Variants in GULP1 observed in about 807,000 individuals in gnomAD.
GULP1 encodes GULP PTB domain containing engulfment adaptor 1.
In GULP1, 19 loss-of-function variants were observed where a neutral mutation model predicts 40.9. The observed-to-expected ratio is 0.46, with a 90% confidence interval of 0.32 to 0.68. The LOEUF (loss-of-function observed/expected upper bound fraction) is 0.68, where lower values mean the gene tolerates loss of function less well. Among genes scored for constraint, GULP1 ranks in the 30% least tolerant of loss-of-function variants. GULP1 has a pLI of 0.03. For missense variants in GULP1, 312 were observed against 362.2 expected, an observed-to-expected ratio of 0.86 and a Z score of 1.12; for synonymous variants, 119 against 117.6, an observed-to-expected ratio of 1.01 and a Z score of -0.08.
intron 1 of GULP1, among the ~76,000 whole-genome samples, chr2:188,333,546 A>G (rs1299827568): frequency 6.6e-6 from 1 of 152,124 alleles, no homozygotes; most frequent in Non-Finnish European, 1.5e-5. Flanking sequence ...TCTCTTTTCT[A>G]ATCACCCCAA....
intron 11 of GULP1, chr2:188,589,772 T>A: frequency 7.8e-7 from 1 of 1,289,732 alleles, no homozygotes; most frequent in Non-Finnish European, 1.0e-6. Flanking sequence ...ATTTTTATAA[T>A]AATTTTAAAC....
intron 2 of GULP1, among the ~76,000 whole-genome samples, chr2:188,431,512 T>G (rs912370144): frequency 1.3e-5 from 2 of 152,152 alleles, no homozygotes; most frequent in Admixed American, 6.5e-5. Context: ...AACTTACAAT[T>G]TCACGAAGAG....
intron 4 of GULP1, among the ~76,000 whole-genome samples, chr2:188,502,093 A>T (rs1396196197): frequency 6.6e-6 from 1 of 151,896 alleles, no homozygotes; most frequent in Non-Finnish European, 1.5e-5. Context: ...GTCATGCTTT[A>T]TTAGAATTAT....
chr2:188,533,244 T>G (rs1688034782), intron 6 of GULP1, among the ~76,000 whole-genome samples: 1 of 152,034 alleles, frequency 6.6e-6, no homozygotes, highest in South Asian at 2.1e-4. Flanking sequence ...AAAACCAAAG[T>G]GAATAGGGTC....
chr2:188,525,086 A>G (rs1397721708), intron 5 of GULP1, among the ~76,000 whole-genome samples: 5 of 151,944 alleles, frequency 3.3e-5, no homozygotes, highest in African/African-American at 1.2e-4. Context: ...CACTCTTTCT[A>G]TCATTTTTTA....
chr2:188,400,916 GGTGTGTTTGTGTGTGT>G (rs2052154651), intron 2 of GULP1, among the ~76,000 whole-genome samples: 1 of 126,322 alleles, frequency 7.9e-6, no homozygotes, highest in African/African-American at 3.2e-5. Flanking sequence ...GGAAGAGAGT[GGTGTGTTTGTGTGTGT>G]GTGTGTGTGT....
rs1483058119 is a variant in GULP1 at position 188,499,971 on chromosome 2, A to G, written c.90+16479A>G. On this transcript the variant is annotated intron_variant, in intron 4 of 11. Coordinates refer to ENST00000409830, the MANE Select transcript of GULP1 (RefSeq NM_016315.4). ...TATTACCACGTGCTTTTAAAAAAAT[A>G]TATATTTAGTTCTTTTCTGCACTAT... Among the ~76,000 whole-genome samples, 3 of 151,934 alleles carry G rather than the reference A, an allele frequency of 2.0e-5. No individual in the cohort carries two copies. The East Asian group carries it at 5.8e-4, about 30-fold the overall frequency.
At chr2:188,436,085 A>G (rs1258761704) in intron 2 of GULP1, among the ~76,000 whole-genome samples, 3 of 152,100 alleles carry the variant, frequency 2.0e-5, no homozygotes, top group Non-Finnish European at 2.9e-5. Flanking sequence ...ATTCCATTAT[A>G]TGCATAGGTC....
intron 1 of GULP1, among the ~76,000 whole-genome samples, chr2:188,356,669 C>A (rs1023564364): frequency 1.3e-5 from 2 of 152,042 alleles, no homozygotes; most frequent in Non-Finnish European, 2.9e-5. Context: ...ACATTCATCA[C>A]AGAAATAGAA....
At chr2:188,572,029 T>C (rs551619526) in intron 9 of GULP1, among the ~76,000 whole-genome samples, 5 of 152,178 alleles carry the variant, frequency 3.3e-5, no homozygotes, top group Non-Finnish European at 7.4e-5. Context: ...CCTACCTTTT[T>C]TATCTTCCCA....
rs1259571926 is a variant in GULP1, at chr2:188,540,360, AAC to A, written c.262-817_262-816del. 3.9e-5 allele frequency among the ~76,000 whole-genome samples: 6 copies of A among 152,014 alleles called. 1 individual carries two copies. The highest frequency in any genetic ancestry group is 2.4e-5 in the African/African-American group (1 of 41,562). On this transcript the variant is annotated intron_variant, in intron 6 of 11. Transcript: ENST00000409830. ...TTGACTAAATAATAGTAATTATAGA[AAC>A]ACATTTATTTTATATAAATATTTTT...
chr2:188,329,123 G>A (rs2041185582), intron 1 of GULP1, among the ~76,000 whole-genome samples: 1 of 150,592 alleles, frequency 6.6e-6, no homozygotes, highest in South Asian at 2.1e-4. Flanking sequence ...TTTTTCTCAA[G>A]GCAGCCCTCT....
At chr2:188,514,140 A>G (rs767720064) in intron 4 of GULP1, among the ~76,000 whole-genome samples, 9 of 149,224 alleles carry the variant, frequency 6.0e-5, no homozygotes, top group Non-Finnish European at 1.0e-4. Context: ...GCCCCGAGCT[A>G]TCGGGCAAGG....
At chr2:188,325,606 C>A (rs1236410027) in intron 1 of GULP1, among the ~76,000 whole-genome samples, 1 of 151,892 alleles carries the variant, frequency 6.6e-6, no homozygotes, top group African/African-American at 2.4e-5. Context: ...ATTTATAGGA[C>A]CACTATGGAA....
chr2:188,371,977 A>G (rs139837756), intron 1 of GULP1, among the ~76,000 whole-genome samples: 235 of 142,946 alleles, frequency 1.6e-3, no homozygotes, highest in Non-Finnish European at 2.8e-3. Flanking sequence ...AGAAAGTTAG[A>G]TCCATTTAAG....
At chr2:188,310,798 C>T (rs1217118319) in intron 1 of GULP1, among the ~76,000 whole-genome samples, 1 of 152,098 alleles carries the variant, frequency 6.6e-6, no homozygotes, top group African/African-American at 2.4e-5. Context: ...AGAAGAAAAT[C>T]TGAACCCATA....
intron 2 of GULP1, among the ~76,000 whole-genome samples, chr2:188,422,962 G>A (rs1409316228): frequency 6.6e-6 from 1 of 151,896 alleles, no homozygotes; most frequent in African/African-American, 2.4e-5. Flanking sequence ...ACATCTCTTT[G>A]ACCTGTAGAC....
chr2:188,355,837 G>T (rs2045229110), intron 1 of GULP1, among the ~76,000 whole-genome samples: 1 of 151,896 alleles, frequency 6.6e-6, no homozygotes, highest in Non-Finnish European at 1.5e-5. Flanking sequence ...GATTGTATAT[G>T]ATTATCAAGT....
chr2:188,557,466 A>G (rs1034024660), intron 7 of GULP1, among the ~76,000 whole-genome samples: 7 of 152,220 alleles, frequency 4.6e-5, no homozygotes, highest in Non-Finnish European at 7.3e-5. Flanking sequence ...TTACATTTTA[A>G]AGCTCCAAAA....
Sources: gnomAD v4.1 joint callset for allele counts (sites outside exome capture counted in the v4.1 genomes callset) on GRCh38, gnomAD v4.1.1 for gene constraint, MANE v1.5 for transcripts, NCBI Gene and HGNC (gene_info 2026-07-23, HGNC 2026-07-21) for gene names.